Variants in FKBP3 observed in about 807,000 individuals in gnomAD.
The protein encoded by FKBP3 is FKBP prolyl isomerase 3.
In FKBP3, 21 loss-of-function variants were observed where a neutral mutation model predicts 30.6. That is an observed-to-expected ratio of 0.69 (90% CI 0.49 to 0.99). The LOEUF is 0.99. Among genes scored for constraint, FKBP3 ranks in the 50% least tolerant of loss-of-function variants. FKBP3 has a pLI of 0.00. For synonymous variants in FKBP3, 82 were observed against 91.3 expected (o/e 0.90, Z 0.58); for missense variants, 283 against 261.6 (o/e 1.08, Z -0.56).
chr14:45,121,220 A>G (rs1388980282), intron 4 of FKBP3, among the ~76,000 whole-genome samples: 1 of 152,176 alleles, frequency 6.6e-6, no homozygotes, highest in African/African-American at 2.4e-5. Context: ...TGCCTTTTCT[A>G]TTCAAATACT....
Position 45,115,983 on chromosome 14 carries a change from T to G in FKBP3, c.*215A>C. On this transcript the variant is annotated 3_prime_UTR_variant, in exon 7 of 7. Coordinates refer to ENST00000396062, the MANE Select transcript of FKBP3 (RefSeq NM_002013.4). ...GGAAAAAGTTCTCCTTGACCAGTAT[T>G]TTACACAGCTGTAGGAAAGTATTTT... 1 of 503,950 alleles carries G rather than the reference T, an allele frequency of 2.0e-6. No individual in the cohort carries two copies. The highest frequency in any genetic ancestry group is 3.6e-6 in the Non-Finnish European group (1 of 277,272). 31.2% of individuals were successfully genotyped at this position (503,950 alleles called of 1,614,324 possible).
In FKBP3 at chr14:45,129,815, C is replaced by A. The variant is rs1234542239; in HGVS notation, c.297G>T (p.Lys99Asn). 9.3e-6 allele frequency: 15 copies of A among 1,611,272 alleles called. No individual in the cohort carries two copies. The highest frequency in any genetic ancestry group is 1.3e-5 in the Non-Finnish European group (15 of 1,178,120). ...AGACCTCATCCAGGGTCTCTTCAGACTTGGTTTCTTTGGGTTTATCTTCAT... is the reference window on the plus strand; with the variant it reads ...AGACCTCATCCAGGGTCTCTTCAGAATTGGTTTCTTTGGGTTTATCTTCAT... ...KLNEDKPKETKSEETLDEGPP... is the reference protein window; with the variant it reads ...KLNEDKPKETNSEETLDEGPP... The change falls in exon 3 of 7, where the codon AAG (lysine) becomes AAT (asparagine). Residue 99 changes from lysine to asparagine, a missense_variant. Transcript: ENST00000396062.
At position 45,119,640 on chromosome 14, in the gene FKBP3, G is replaced by A. The variant is rs189456779; in HGVS notation, c.522+1247C>T. On this transcript the variant is annotated intron_variant, in intron 5 of 6. Coordinates refer to ENST00000396062, the MANE Select transcript of FKBP3 (RefSeq NM_002013.4). Reference sequence around the variant, plus strand: ...AATAAGTTACAGAAATAGAAAAATGGCCCAATTTGATAATATACTTGCTAT... The same window carrying A: ...AATAAGTTACAGAAATAGAAAAATGACCCAATTTGATAATATACTTGCTAT... Among the ~76,000 whole-genome samples, 205 of 151,914 alleles carry A rather than the reference G, an allele frequency of 1.3e-3. 1 individual carries two copies. Among genetic ancestry groups the A allele is most frequent in the Middle Eastern group, 3.4e-3 (1 of 294 alleles).
In FKBP3 at chr14:45,134,463, C is replaced by G; in HGVS notation, c.-7G>C. ...GTGGAACGGCCGCCGCCATCTTCCC[C>G]CGCTGCCTCCGCTTTACTGAGCCAG... On this transcript the variant is annotated 5_prime_UTR_variant, in exon 1 of 7. Transcript: ENST00000396062. 6.2e-7 allele frequency: 1 copy of G among 1,609,396 alleles called. No individual in the cohort carries two copies. Among genetic ancestry groups the G allele is most frequent in the Non-Finnish European group, 8.5e-7 (1 of 1,177,510 alleles).
chr14:45,118,073 A>T lies in FKBP3; in HGVS notation c.575T>A (p.Ile192Asn). The change falls in exon 6 of 7, where the codon ATT (isoleucine) becomes AAT (asparagine). Residue 192 changes from isoleucine to asparagine, a missense_variant. Physicochemically the swap from Ile to Asn is moderately radical, Grantham distance 149. Coordinates refer to ENST00000396062, the MANE Select transcript of FKBP3 (RefSeq NM_002013.4). ...CTTTCCGTAAGCCCATTCTGGTTCA[A>T]TCTCCAGTCGAGCCTTTTCTCCTTT... is the stretch of plus-strand genomic sequence containing the variant. ...MSKGEKARLEIEPEWAYGKKG... is the reference protein window; with the variant it reads ...MSKGEKARLENEPEWAYGKKG... 1 of 1,609,310 alleles carries T rather than the reference A, an allele frequency of 6.2e-7. No individual in the cohort carries two copies. The highest frequency in any genetic ancestry group is 8.5e-7 in the Non-Finnish European group (1 of 1,178,526).
chr14:45,116,977 C>G (rs182684817), intron 6 of FKBP3, among the ~76,000 whole-genome samples: 1 of 150,178 alleles, frequency 6.7e-6, no homozygotes, highest in African/African-American at 2.5e-5. Context: ...TTGATTTCCC[C>G]GCCCCCCCCA....
rs144152781 is a variant in FKBP3, at chr14:45,128,097, A to G, written c.318+1697T>C. Among the ~76,000 whole-genome samples, 155 of 152,152 alleles carry G rather than the reference A, an allele frequency of 1.0e-3. 3 individuals are homozygous for G. In the East Asian group the frequency reaches 0.025, roughly 24 times the overall value. On this transcript the variant is annotated intron_variant, in intron 3 of 6. Transcript: ENST00000396062. ...CACGCCTGTAATCCCAACACTTTGG[A>G]AGGCCTAGGTGGGCGGATAACTTGA...
rs542005854 is a variant in FKBP3, at chr14:45,115,671, C to A, written c.*527G>T. The A allele has an allele frequency of 6.6e-6, 1 of 152,532 alleles. No individual in the cohort carries two copies. Among genetic ancestry groups the A allele is most frequent in the East Asian group, 1.9e-4 (1 of 5,190 alleles). The allele number at this position is 152,532 out of a possible 1,614,324, so 9.4% of individuals were successfully genotyped here. On this transcript the variant is annotated 3_prime_UTR_variant, in exon 7 of 7. Coordinates refer to ENST00000396062, the MANE Select transcript of FKBP3 (RefSeq NM_002013.4). ...CTTATGTTCACCTTTATTAGTGGCT[C>A]ATTGGTTTTGAAGTACACCTTTTCT...
At chr14:45,131,867 G>C (rs1190361465) in intron 1 of FKBP3, among the ~76,000 whole-genome samples, 2 of 152,130 alleles carry the variant, frequency 1.3e-5, no homozygotes, top group Non-Finnish European at 2.9e-5. Context: ...AATAACTCAA[G>C]GTAACAGCGG....
intron 3 of FKBP3, among the ~76,000 whole-genome samples, chr14:45,125,691 G>C (rs1885080406): frequency 6.6e-6 from 1 of 152,086 alleles, no homozygotes; most frequent in African/African-American, 2.4e-5. Context: ...AATGTGCTTA[G>C]GAATGTATGC....
chr14:45,127,043 G>C (rs952429596), intron 3 of FKBP3, among the ~76,000 whole-genome samples: 5 of 151,446 alleles, frequency 3.3e-5, no homozygotes, highest in Admixed American at 2.6e-4. Context: ...CTGACCTCAA[G>C]TGATCTGCTC....
intron 3 of FKBP3, among the ~76,000 whole-genome samples, chr14:45,122,712 C>G: frequency 6.6e-6 from 1 of 151,842 alleles, no homozygotes; most frequent in East Asian, 2.0e-4. Context: ...ACCATGTTGG[C>G]CAGGATGGTC....
chr14:45,121,827 A>T (rs1791219675), intron 3 of FKBP3, among the ~76,000 whole-genome samples: 1 of 152,236 alleles, frequency 6.6e-6, no homozygotes, highest in Admixed American at 6.5e-5. Flanking sequence ...ATTTCAAATA[A>T]CTTCCAGCTT....
chr14:45,123,272 C>CT (rs1446548946), intron 3 of FKBP3, among the ~76,000 whole-genome samples: 2 of 152,016 alleles, frequency 1.3e-5, no homozygotes, highest in Admixed American at 1.3e-4. Flanking sequence ...CTAGGGTCCT[C>CT]TGAGACCTCT....
intron 3 of FKBP3, among the ~76,000 whole-genome samples, chr14:45,124,789 AG>A (rs1885062831): frequency 1.3e-5 from 2 of 152,304 alleles, no homozygotes; most frequent in South Asian, 4.1e-4. Flanking sequence ...GAGCAATGAA[AG>A]GGAGAATGGC....
At chr14:45,126,410 C>G (rs1397617939) in intron 3 of FKBP3, among the ~76,000 whole-genome samples, 1 of 151,902 alleles carries the variant, frequency 6.6e-6, no homozygotes, top group Non-Finnish European at 1.5e-5. Flanking sequence ...ACTGCTTGAA[C>G]CCGGGAGGCG....
intron 3 of FKBP3, among the ~76,000 whole-genome samples, chr14:45,121,988 C>T (rs959343357): frequency 6.6e-6 from 1 of 152,084 alleles, no homozygotes; most frequent in African/African-American, 2.4e-5. Context: ...GTGACTTCCC[C>T]CCCACAAAGA....
Position 45,116,106 on chromosome 14 carries a change from A to G in FKBP3, c.*92T>C. ...ATTTTCCAGTTGACTCTTCCTTTAC[A>G]ATAGTAACAAGTTCTAACTAGTTGT... On this transcript the variant is annotated 3_prime_UTR_variant, in exon 7 of 7. Transcript: ENST00000396062. The G allele has an allele frequency of 1.1e-6, 1 of 886,868 alleles. No individual in the cohort carries two copies. The highest frequency in any genetic ancestry group is 1.8e-6 in the Non-Finnish European group (1 of 545,374). The allele number at this position is 886,868 out of a possible 1,614,324, so 54.9% of individuals were successfully genotyped here. A position where few individuals can be genotyped will look rare whatever the true frequency, so the allele number is the denominator to read the frequency against.
chr14:45,134,212 CCT>C, intron 1 of FKBP3, 135 bp downstream of exon 1: 1 of 711,820 alleles, frequency 1.4e-6, no homozygotes, highest in Non-Finnish European at 2.4e-6. Context: ...ACAAGCTGGG[CCT>C]CTCCGGCCTT....
Sources: allele counts gnomAD v4.1 joint callset (sites outside exome capture counted in the v4.1 genomes callset), GRCh38; gene constraint gnomAD v4.1.1; transcripts MANE v1.5; gene names NCBI Gene and HGNC (gene_info 2026-07-23, HGNC 2026-07-21).